Variants in PRKCI observed in about 807,000 individuals in gnomAD.
PRKCI encodes the protein protein kinase C iota type.
In PRKCI, 43 loss-of-function variants were observed where a neutral mutation model predicts 84.0. The observed-to-expected ratio is 0.51, with a 90% CI of 0.40 to 0.66. The LOEUF is 0.66. Among genes scored for constraint, PRKCI ranks in the 30% least tolerant of loss-of-function variants. PRKCI has a pLI of 0.00. For missense variants in PRKCI, 459 were observed against 745.6 expected (o/e 0.62, Z 4.48); for synonymous variants, 216 against 234.4 (o/e 0.92, Z 0.72).
chr3:170,251,151 A>G (rs1350717117), intron 2 of PRKCI, among the ~76,000 whole-genome samples: 2 of 152,210 alleles, frequency 1.3e-5, no homozygotes, highest in East Asian at 1.9e-4. Flanking sequence ...AAGAAACTCA[A>G]TTGAGTGTCA....
At chr3:170,271,573 C>T (rs565340357) in intron 6 of PRKCI, among the ~76,000 whole-genome samples, 2 of 152,210 alleles carry the variant, frequency 1.3e-5, no homozygotes, top group South Asian at 2.1e-4. Flanking sequence ...CTTCATTTCT[C>T]TCTCTTCTTT....
intron 12 of PRKCI, among the ~76,000 whole-genome samples, chr3:170,287,062 T>G (rs556553911): frequency 1.3e-5 from 2 of 152,186 alleles, no homozygotes; most frequent in East Asian, 3.9e-4. Context: ...ACATAACACA[T>G]GATGGCTCAG....
intron 3 of PRKCI, 129 bp from the exon 4 acceptor site, chr3:170,263,250 T>C (rs1421859099): frequency 1.5e-6 from 1 of 665,908 alleles, no homozygotes; most frequent in Non-Finnish European, 2.6e-6. Flanking sequence ...ATGCTAAGTA[T>C]CTTGTCTCAA....
intron 1 of PRKCI, among the ~76,000 whole-genome samples, chr3:170,229,380 C>A (rs1031008309): frequency 3.9e-5 from 6 of 152,216 alleles, no homozygotes; most frequent in African/African-American, 1.4e-4. Flanking sequence ...GTGGCATGAT[C>A]TAGGCCCTCT....
At chr3:170,252,317 A>T (rs569374648) in intron 2 of PRKCI, among the ~76,000 whole-genome samples, 23 of 91,082 alleles carry the variant, frequency 2.5e-4, no homozygotes, top group Non-Finnish European at 5.2e-4. Context: ...CAAATTTTAA[A>T]TGGGCAGACT....
intron 1 of PRKCI, 70 bp downstream of exon 1, chr3:170,222,840 G>C: frequency 8.5e-7 from 1 of 1,180,376 alleles, no homozygotes; most frequent in Non-Finnish European, 1.2e-6. Context: ...GAGGAGGGGA[G>C]GGTGAGGGGC....
At chr3:170,263,467 A>G (rs757314579) in intron 4 of PRKCI, 38 bp downstream of exon 4, 35 of 1,500,470 alleles carry the variant, frequency 2.3e-5, no homozygotes, top group Non-Finnish European at 3.1e-5. Context: ...TACAAGAGTT[A>G]CTATGCTATG....
At chr3:170,232,546 C>G (rs551636434) in intron 1 of PRKCI, among the ~76,000 whole-genome samples, 4 of 151,820 alleles carry the variant, frequency 2.6e-5, no homozygotes, top group African/African-American at 9.7e-5. Flanking sequence ...TTGAGACTTA[C>G]TAACCCACAA....
At chr3:170,242,917 TGCCTCA>T (rs968554275) in intron 2 of PRKCI, among the ~76,000 whole-genome samples, 4 of 152,000 alleles carry the variant, frequency 2.6e-5, no homozygotes, top group African/African-American at 4.8e-5. Flanking sequence ...GTGATCCGCC[TGCCTCA>T]GCCTCCCAAA....
intron 2 of PRKCI, among the ~76,000 whole-genome samples, chr3:170,238,807 G>T (rs1474325485): frequency 6.6e-6 from 1 of 152,048 alleles, no homozygotes; most frequent in African/African-American, 2.4e-5. Flanking sequence ...GGCCAGGCTG[G>T]TCTTGAACTC....
chr3:170,276,293 T>C (rs1458860352), intron 8 of PRKCI, among the ~76,000 whole-genome samples: 1 of 152,110 alleles, frequency 6.6e-6, no homozygotes, highest in Non-Finnish European at 1.5e-5. Context: ...CCCTTGTATC[T>C]ATTGTTAGTT....
chr3:170,246,271 G>T (rs1733282263), intron 2 of PRKCI, among the ~76,000 whole-genome samples: 1 of 152,122 alleles, frequency 6.6e-6, no homozygotes. Flanking sequence ...TCTTGCCTCA[G>T]CCTCCTGAGT....
Position 170,264,498 on chromosome 3 carries a change from C to T in PRKCI, c.364+1069C>T, listed in dbSNP as rs142369990. On this transcript the variant is annotated intron_variant, in intron 4 of 17. Transcript: ENST00000295797. Reference sequence around the variant, plus strand: ...TTCACCATGTTGGCCAGGCCGGTGTCGAACTACTGACCTCAGGTGATCCAC... The same window carrying T: ...TTCACCATGTTGGCCAGGCCGGTGTTGAACTACTGACCTCAGGTGATCCAC... 2.3e-3 allele frequency among the ~76,000 whole-genome samples: 356 copies of T among 152,134 alleles called. 2 individuals carry two copies. Among genetic ancestry groups the T allele is most frequent in the East Asian group, 0.019 (97 of 5,162 alleles).
At chr3:170,248,374 G>T (rs566604496) in intron 2 of PRKCI, among the ~76,000 whole-genome samples, 10 of 130,342 alleles carry the variant, frequency 7.7e-5, no homozygotes, top group East Asian at 2.1e-4. Context: ...GATATATTGG[G>T]GGGGGGAAAA....
At position 170,226,400 on chromosome 3, in the gene PRKCI, T is replaced by C. The variant is rs148137464; in HGVS notation, c.101+3630T>C. The stretch of plus-strand genomic sequence containing the variant: ...TTTGGAGGAAGAGAAACAGGTTTCA[T>C]TAATTAGTGATAAACTGTCAATGTA... On this transcript the variant is annotated intron_variant, in intron 1 of 17. Transcript: ENST00000295797. 1.4e-4 allele frequency among the ~76,000 whole-genome samples: 21 copies of C among 152,338 alleles called. 1 individual carries two copies. Among genetic ancestry groups the C allele is most frequent in the Admixed American group, 1.4e-3 (21 of 15,292 alleles).
chr3:170,240,177 T>G (rs1229461670), intron 2 of PRKCI, among the ~76,000 whole-genome samples: 1 of 152,004 alleles, frequency 6.6e-6, no homozygotes, highest in Non-Finnish European at 1.5e-5. Flanking sequence ...AAAAGATATA[T>G]GTGTATATAT....
intron 1 of PRKCI, among the ~76,000 whole-genome samples, chr3:170,225,245 A>C (rs1732598186): frequency 6.6e-6 from 1 of 152,228 alleles, no homozygotes; most frequent in Non-Finnish European, 1.5e-5. Flanking sequence ...ATTTAAAGAC[A>C]ATATCAGCAC....
intron 1 of PRKCI, among the ~76,000 whole-genome samples, chr3:170,224,165 T>G (rs1177282078): frequency 2.0e-5 from 3 of 148,322 alleles, no homozygotes; most frequent in Non-Finnish European, 4.5e-5. Flanking sequence ...GAACATGCGG[T>G]GTTTGGTTTT....
chr3:170,222,721 G>T lies in PRKCI; in HGVS notation c.52G>T (p.Gly18Cys), dbSNP rs1453580506. 1.2e-6 allele frequency: 2 copies of T among 1,610,966 alleles called. No individual in the cohort carries two copies. Among genetic ancestry groups the T allele is most frequent in the African/African-American group, 2.7e-5 (2 of 74,862 alleles). The change falls in exon 1 of 18, where the codon GGC (glycine) becomes TGC (cysteine). Residue 18 changes from glycine to cysteine, a missense_variant. By Grantham distance (159) the Gly-to-Cys change is radical. Transcript: ENST00000295797. ...CATGTCCCACACGGTCGCAGGCGGCGGCAGCGGGGACCATTCCCACCAGGT... is the reference window on the plus strand; with the variant it reads ...CATGTCCCACACGGTCGCAGGCGGCTGCAGCGGGGACCATTCCCACCAGGT... ...STMSHTVAGG[G>C]SGDHSHQVRV...
Sources: gnomAD v4.1 joint callset for allele counts (sites outside exome capture counted in the v4.1 genomes callset) on GRCh38, gnomAD v4.1.1 for gene constraint, MANE v1.5 for transcripts, NCBI Gene and HGNC (gene_info 2026-07-23, HGNC 2026-07-21) for gene names.